Variants in CDHR2 observed in about 807,000 individuals in gnomAD.
CDHR2 encodes cadherin-related family member 2.
A neutral mutation model predicts 138.6 loss-of-function variants in CDHR2; 104 were observed. The ratio of observed to expected loss-of-function variants is 0.75; its 90% confidence interval spans 0.64 to 0.88. The LOEUF (loss-of-function observed/expected upper bound fraction) is 0.88, where lower values mean the gene tolerates loss of function less well. Among genes scored for constraint, CDHR2 ranks in the 40% least tolerant of loss-of-function variants. CDHR2 has a pLI of 0.00. For missense variants in CDHR2, 1,624 were observed against 1,727.6 expected, an observed-to-expected ratio of 0.94 and a Z score of 1.06; for synonymous variants, 755 against 742.8, an observed-to-expected ratio of 1.02 and a Z score of -0.27.
intron 15 of CDHR2, 113 bp from the exon 16 acceptor site, chr5:176,578,252 A>C (rs1443902687): frequency 1.6e-6 from 2 of 1,215,758 alleles, no homozygotes; most frequent in Non-Finnish European, 2.4e-6. Context: ...AATAATGAAT[A>C]TGTTGCATAT....
intron 1 of CDHR2, among the ~76,000 whole-genome samples, chr5:176,551,848 C>T (rs1561864412): frequency 6.8e-6 from 1 of 148,100 alleles, no homozygotes; most frequent in Non-Finnish European, 1.5e-5. Context: ...ACTACAGGCG[C>T]CCGCCACCAC....
Position 176,581,517 on chromosome 5 carries a change from G to A in CDHR2, c.1993G>A (p.Val665Met). 6.2e-7 allele frequency: 1 copy of A among 1,614,192 alleles called. No homozygotes were observed. Among genetic ancestry groups the A allele is most frequent in the Non-Finnish European group, 8.5e-7 (1 of 1,180,042 alleles). ...CCTGGAGGGCCGCATTGTGCTGACAGTGCTTGTGTCTGACTGCGGCGAGCC... is the reference window on the plus strand; with the variant it reads ...CCTGGAGGGCCGCATTGTGCTGACAATGCTTGTGTCTGACTGCGGCGAGCC... ...PALEGRIVLTVLVSDCGEPVL... is the reference protein window; with the variant it reads ...PALEGRIVLTMLVSDCGEPVL... The change falls in exon 17 of 32, where the codon GTG (valine) becomes ATG (methionine). Residue 665 changes from valine to methionine, a missense_variant. This residue lies in a region of CDHR2 where 1,061 missense variants were observed against 1,136.6 expected (regional missense o/e 0.93). Transcript: ENST00000261944.
chr5:176,568,733 T>C lies in CDHR2; in HGVS notation c.180T>C (p.Tyr60=). The change falls in exon 4 of 32, where the codon TAT becomes TAC. Residue 60 remains tyrosine, a synonymous_variant. Transcript: ENST00000261944. ...ACCAGGACAATGACCCTCTGACCTA[T>C]GGGATGAGCGGCCCCAATGCCTACT... ...AEDQDNDPLT[Y]GMSGPNAYFF... is the part of the protein sequence containing the mutation. 1 of 1,614,184 alleles carries C rather than the reference T, an allele frequency of 6.2e-7. No homozygotes were observed. Among genetic ancestry groups the C allele is most frequent in the Non-Finnish European group, 8.5e-7 (1 of 1,180,018 alleles).
At chr5:176,583,348 C>T (rs528356779) in intron 17 of CDHR2, among the ~76,000 whole-genome samples, 1 of 152,266 alleles carries the variant, frequency 6.6e-6, no homozygotes, top group Non-Finnish European at 1.5e-5. Context: ...TGGTCTTGTG[C>T]GTGGAGCCAA....
In CDHR2 at chr5:176,578,047, A is replaced by C. The variant is rs1758438210; in HGVS notation, c.1526A>C (p.Asp509Ala). The C allele has an allele frequency of 6.2e-7, 1 of 1,612,300 alleles. No homozygotes were observed. The highest frequency in any genetic ancestry group is 1.3e-5 in the African/African-American group (1 of 74,882). ...VTDSIHATDP[D>A]TGAWGQITYS... ...TCTGCCTCACAGGCCACGGACCCAG[A>C]CACGGGCGCGTGGGGCCAAATTACC... The change falls in exon 15 of 32, where the codon GAC (aspartate) becomes GCC (alanine). Residue 509 changes from aspartate to alanine, a missense_variant. By Grantham distance (126) the Asp-to-Ala change is moderately radical. Around this residue, in one of 3 missense-constraint regions of CDHR2, gnomAD observed 1,061 missense variants for 1,136.6 expected, o/e 0.93. Coordinates refer to ENST00000261944, the MANE Select transcript of CDHR2 (RefSeq NM_017675.6).
upstream of CDHR2, among the ~76,000 whole-genome samples, chr5:176,548,393 A>G (rs2963688): frequency 0.97 from 148,429 of 152,348 alleles, 72,432 homozygotes; most frequent in East Asian, 1. Flanking sequence ...TGAGGATAAG[A>G]AGGACTTGTG....
At chr5:176,589,859 T>C (rs116366614) in intron 24 of CDHR2, among the ~76,000 whole-genome samples, 1,899 of 152,336 alleles carry the variant, frequency 0.012, 44 homozygotes, top group African/African-American at 0.043. Flanking sequence ...GAAGGCTGTG[T>C]GTTGCACAAG....
chr5:176,555,972 C>T (rs1194041535), intron 1 of CDHR2, among the ~76,000 whole-genome samples: 1 of 152,174 alleles, frequency 6.6e-6, no homozygotes, highest in Non-Finnish European at 1.5e-5. Context: ...AATGAAACAT[C>T]CTTCCTGTGT....
intron 1 of CDHR2, among the ~76,000 whole-genome samples, chr5:176,558,863 C>T (rs1334939701): frequency 6.6e-6 from 1 of 152,238 alleles, no homozygotes; most frequent in African/African-American, 2.4e-5. Context: ...CATCCCTTCA[C>T]CCTAGCCAGA....
At position 176,586,654 on chromosome 5, in the gene CDHR2, G is replaced by A; in HGVS notation, c.2807-139G>A. 4 of 686,616 alleles carry A rather than the reference G, an allele frequency of 5.8e-6. No individual in the cohort carries two copies. The South Asian group carries it at 7.0e-5, about 12-fold the overall frequency. The allele number at this position is 686,616 out of a possible 1,614,324, so 42.5% of individuals were successfully genotyped here. A position where few individuals can be genotyped will look rare whatever the true frequency, so the allele number is the denominator to read the frequency against. On this transcript the variant is annotated intron_variant, in intron 20 of 31. Transcript: ENST00000261944. ...CTTGCTAACTACTGGCCCAGTGGTG[G>A]CTGTAATAGGGGTCTCTTTTGGTAG... is the stretch of plus-strand genomic sequence containing the variant.
intron 31 of CDHR2, 31 bp from the exon 32 acceptor site, chr5:176,595,501 C>T (rs1759004351): frequency 6.4e-7 from 1 of 1,553,998 alleles, no homozygotes; most frequent in Non-Finnish European, 8.7e-7. Flanking sequence ...CCTTGCCTTG[C>T]CCTTCACACC....
Position 176,589,155 on chromosome 5 carries a change from A to C in CDHR2, c.2981A>C (p.Glu994Ala). The C allele has an allele frequency of 6.2e-7, 1 of 1,614,070 alleles. No individual in the cohort carries two copies. Among genetic ancestry groups the C allele is most frequent in the Non-Finnish European group, 8.5e-7 (1 of 1,179,982 alleles). The stretch of plus-strand genomic sequence containing the variant: ...GTCTTCTCGATCTTCACCTCCTCCG[A>C]GGCCGACGTGTTCGCTGGGAGCATT... ...QGVFSIFTSS[E>A]ADVFAGSIQP... Residue 994 changes from glutamate to alanine, a missense_variant, in exon 22 of 32, where the codon GAG becomes GCG. Around this residue, in one of 3 missense-constraint regions of CDHR2, gnomAD observed 556 missense variants for 565.7 expected, o/e 0.98. Transcript: ENST00000261944.
chr5:176,549,211 G>C (rs1472364717), upstream of CDHR2, among the ~76,000 whole-genome samples: 1 of 152,160 alleles, frequency 6.6e-6, no homozygotes, highest in Non-Finnish European at 1.5e-5. Context: ...CCTCCTGTCC[G>C]GCGCCCCCAG....
chr5:176,584,769 GT>G lies in CDHR2; in HGVS notation c.2489del (p.Val830GlyfsTer18). The G allele has an allele frequency of 1.2e-6, 2 of 1,614,218 alleles. No homozygotes were observed. Among genetic ancestry groups the G allele is most frequent in the Non-Finnish European group, 1.7e-6 (2 of 1,180,042 alleles). ...TGGCTCACAGCACGGCCAGGTGGCTGTGGTGGTTGCCTCGGATGTGGACACC... is the reference window on the plus strand; with the variant it reads ...TGGCTCACAGCACGGCCAGGTGGCTGGGTGGTTGCCTCGGATGTGGACACC... ...ENGSQHGQVA[V>X]VVASDVDTSA... On this transcript the variant is annotated frameshift_variant, in exon 19 of 32. Coordinates refer to ENST00000261944, the MANE Select transcript of CDHR2 (RefSeq NM_017675.6). LOFTEE classifies it high-confidence loss of function.
At position 176,590,459 on chromosome 5, in the gene CDHR2, C is replaced by A. The variant is rs886172202; in HGVS notation, c.3388C>A (p.Leu1130Met). 1 of 1,613,888 alleles carries A rather than the reference C, an allele frequency of 6.2e-7. No homozygotes were observed. The highest frequency in any genetic ancestry group is 1.3e-5 in the African/African-American group (1 of 74,928). ...GAATGATCAGGACTCGCTGACGCAG[C>A]TGCTGCAGCTGGGGCTGGTGGTGCT... ...IRNDQDSLTQLLQLGLVVLGS... is the reference protein window; with the variant it reads ...IRNDQDSLTQMLQLGLVVLGS... The change falls in exon 27 of 32, where the codon CTG becomes ATG. Residue 1130 changes from leucine (L) to methionine (M), a missense_variant. By Grantham distance (15) the Leu-to-Met change is conservative. This residue lies in a region of CDHR2 where 556 missense variants were observed against 565.7 expected (regional missense o/e 0.98). Transcript: ENST00000261944.
chr5:176,545,822 G>C (rs1002835849), upstream of CDHR2, among the ~76,000 whole-genome samples: 3 of 152,212 alleles, frequency 2.0e-5, no homozygotes, highest in Non-Finnish European at 2.9e-5. Flanking sequence ...GATCGTCATA[G>C]CCCAGATCCC....
In CDHR2 at chr5:176,553,115, G is replaced by C. The variant is rs1757745112; in HGVS notation, c.-16+3701G>C. ...GGCGTGTATGGGGAAGGGGCTGTAG[G>C]GGGAGGCGCCTCGGGGACTGGGTGA... On this transcript the variant is annotated intron_variant, in intron 1 of 31. Coordinates refer to ENST00000261944, the MANE Select transcript of CDHR2 (RefSeq NM_017675.6). The surrounding 1 kb of genome is among the most constrained non-coding windows in gnomAD (Gnocchi z 4.3). Among the ~76,000 whole-genome samples the C allele has an allele frequency of 6.6e-6, 1 of 152,144 alleles. No homozygotes were observed. Among genetic ancestry groups the C allele is most frequent in the Non-Finnish European group, 1.5e-5 (1 of 68,020 alleles).
At chr5:176,578,649 G>A in intron 16 of CDHR2, 41 bp downstream of exon 16, 1 of 1,601,122 alleles carries the variant, frequency 6.2e-7, no homozygotes, top group Non-Finnish European at 8.5e-7. Flanking sequence ...GCTGGGGGAG[G>A]GGACCAAGCC....
chr5:176,591,576 G>C (rs1758848626), intron 30 of CDHR2, 92 bp downstream of exon 30: 1 of 956,236 alleles, frequency 1.0e-6, no homozygotes, highest in Admixed American at 1.8e-5. Context: ...TGATGATGGT[G>C]ATGACAATGG....
Sources: allele counts gnomAD v4.1 joint callset (sites outside exome capture counted in the v4.1 genomes callset), GRCh38; gene constraint gnomAD v4.1.1; regional missense constraint gnomAD v4.1.1; non-coding constraint Gnocchi (gnomAD v3.1); transcripts MANE v1.5; gene names NCBI Gene and HGNC (gene_info 2026-07-23, HGNC 2026-07-21).